Variants in RBFOX2 observed in about 807,000 individuals in gnomAD.
RBFOX2 encodes RNA binding fox-1 homolog 2, also known as RNA binding protein fox-1 homolog 2.
Under a neutral mutation model 49.1 loss-of-function variants are expected in RBFOX2, and 10 were observed. The observed-to-expected ratio is 0.20, with a 90% confidence interval of 0.13 to 0.35. RBFOX2 has a LOEUF of 0.35. Ranked by LOEUF, RBFOX2 falls within the 10% of genes least tolerant of loss-of-function variation. RBFOX2 has a pLI of 1.00. For synonymous variants in RBFOX2, 183 were observed against 187.4 expected (o/e 0.98, Z 0.19); for missense variants, 323 against 486.9 (o/e 0.66, Z 3.17).
chr22:35,765,236 TA>T (rs1340961721), intron 6 of RBFOX2, among the ~76,000 whole-genome samples, 186 bp downstream of exon 7: 1 of 151,444 alleles, frequency 6.6e-6, no homozygotes. Flanking sequence ...CCTTAATAAC[TA>T]AAAACTTAGC....
At chr22:35,990,482 G>A (rs988231991) in intron 1 of RBFOX2, among the ~76,000 whole-genome samples, 1 of 152,166 alleles carries the variant, frequency 6.6e-6, no homozygotes, top group African/African-American at 2.4e-5. Flanking sequence ...AGAGGCAGTG[G>A]GGGTAATTAA....
chr22:35,954,899 A>G (rs1309498917), intron 1 of RBFOX2, among the ~76,000 whole-genome samples: 3 of 152,248 alleles, frequency 2.0e-5, no homozygotes, highest in African/African-American at 7.2e-5. Context: ...AGAAAGGCAT[A>G]AAGAAATTAC....
intron 1 of RBFOX2, among the ~76,000 whole-genome samples, chr22:36,005,154 A>G (rs866483506): frequency 1.3e-5 from 2 of 152,150 alleles, no homozygotes; most frequent in Non-Finnish European, 2.9e-5. Flanking sequence ...CTCTCTCTGA[A>G]TTTTACTCTA....
chr22:35,938,730 CA>C, intron 1 of RBFOX2, 116 bp downstream of exon 2: 1 of 959,208 alleles, frequency 1.0e-6, no homozygotes, highest in Admixed American at 2.1e-5. Context: ...ACTGCTGAAA[CA>C]AGCCACATTT....
chr22:36,006,323 C>T (rs769811670), intron 1 of RBFOX2, among the ~76,000 whole-genome samples: 5 of 152,136 alleles, frequency 3.3e-5, no homozygotes, highest in Non-Finnish European at 5.9e-5. Context: ...TGTGTCCATG[C>T]GGCACTCAAC....
At chr22:35,745,956 A>G in exon 11 of RBFOX2, 1 of 1,614,144 alleles carries the variant, frequency 6.2e-7, no homozygotes, top group Non-Finnish European at 8.5e-7. Context: ...CGGCAGGGGC[A>G]AGGGCATGGT....
intron 4 of RBFOX2, 167 bp downstream of exon 5, chr22:35,777,858 T>C (rs1003655647): frequency 3.1e-6 from 2 of 653,196 alleles, no homozygotes; most frequent in African/African-American, 1.8e-5. Flanking sequence ...AGAATAAAGT[T>C]TGGCCATGTG....
intron 2 of RBFOX2, among the ~76,000 whole-genome samples, chr22:35,803,025 G>C (rs1260364715): frequency 6.6e-6 from 1 of 152,164 alleles, no homozygotes; most frequent in Admixed American, 6.5e-5. Flanking sequence ...GAAGACACGG[G>C]TGCCTCCTAG....
At chr22:35,766,741 A>T (rs2146556366) in intron 5 of RBFOX2, among the ~76,000 whole-genome samples, 1 of 152,346 alleles carries the variant, frequency 6.6e-6, no homozygotes, top group South Asian at 2.1e-4. Flanking sequence ...AGGTTCTCAC[A>T]GACAAGGATT....
chr22:35,908,563 C>T (rs1418734272), intron 1 of RBFOX2, among the ~76,000 whole-genome samples: 1 of 152,132 alleles, frequency 6.6e-6, no homozygotes, highest in Non-Finnish European at 1.5e-5. Context: ...TTGGTTTCTA[C>T]TGAATGTGTA....
At chr22:35,918,144 G>A (rs2050633155) in intron 1 of RBFOX2, among the ~76,000 whole-genome samples, 1 of 152,214 alleles carries the variant, frequency 6.6e-6, no homozygotes, top group East Asian at 1.9e-4. Context: ...GGGCTGACAT[G>A]CCAAAGGGCC....
upstream of RBFOX2, among the ~76,000 whole-genome samples, chr22:35,964,576 T>C (rs763459521): frequency 3.2e-4 from 48 of 152,218 alleles, no homozygotes; most frequent in Non-Finnish European, 6.2e-4. Context: ...GGCCCAGTTA[T>C]AATGTCATAA....
At chr22:35,924,747 T>C (rs1418455229) in intron 1 of RBFOX2, among the ~76,000 whole-genome samples, 2 of 152,338 alleles carry the variant, frequency 1.3e-5, no homozygotes, top group East Asian at 1.9e-4. Flanking sequence ...CAAATTCATA[T>C]TGGGCACATA....
At chr22:36,012,438 A>G (rs1472176652) in intron 1 of RBFOX2, among the ~76,000 whole-genome samples, 1 of 152,186 alleles carries the variant, frequency 6.6e-6, no homozygotes, top group African/African-American at 2.4e-5. Flanking sequence ...AGCATTTTAT[A>G]AACTGTAAAA....
chr22:35,758,843 T>C (rs1196515820), intron 9 of RBFOX2, among the ~76,000 whole-genome samples: 1 of 151,174 alleles, frequency 6.6e-6, no homozygotes, highest in African/African-American at 2.4e-5. Flanking sequence ...GAATGAATGC[T>C]AAATTAGTAC....
At chr22:35,999,784 A>G (rs2058335516) in intron 1 of RBFOX2, 1 of 152,104 alleles carries the variant, frequency 6.6e-6, no homozygotes, top group Non-Finnish European at 1.5e-5. Flanking sequence ...GTCCATGCTT[A>G]GCAGACAGAG....
intron 2 of RBFOX2, 115 bp from the exon 4 acceptor site, chr22:35,781,861 T>C: frequency 8.0e-7 from 1 of 1,251,032 alleles, no homozygotes; most frequent in Non-Finnish European, 1.1e-6. Context: ...ATCACAGTAG[T>C]CCCTTCAAAG....
intron 1 of RBFOX2, among the ~76,000 whole-genome samples, chr22:35,970,047 C>G (rs1051945309): frequency 6.6e-6 from 1 of 152,198 alleles, no homozygotes; most frequent in Admixed American, 6.5e-5. Flanking sequence ...GCTACCTTCT[C>G]TTCTTTACAC....
At chr22:35,879,369 C>T (rs1322041922) in intron 1 of RBFOX2, among the ~76,000 whole-genome samples, 1 of 152,198 alleles carries the variant, frequency 6.6e-6, no homozygotes, top group Non-Finnish European at 1.5e-5. Context: ...ATAAAATTTA[C>T]ACTTCATTAG....
Sources: allele counts gnomAD v4.1 joint callset (sites outside exome capture counted in the v4.1 genomes callset), GRCh38; gene constraint gnomAD v4.1.1; transcripts MANE v1.5; gene names NCBI Gene and HGNC (gene_info 2026-07-23, HGNC 2026-07-21).